Variants in ROBO2 observed in about 807,000 individuals in gnomAD.
The protein encoded by ROBO2 is roundabout homolog 2.
ROBO2 carries 53 observed loss-of-function variants against 160.8 expected under a neutral mutation model. The observed-to-expected ratio is 0.33, with a 90% CI of 0.26 to 0.41. The LOEUF is 0.41. ROBO2 is among the 10% of genes least tolerant of loss of function. The probability of loss-of-function intolerance (pLI) is 1.00; values close to 1 mark genes in which losing one functional copy is unlikely to be tolerated. For synonymous variants in ROBO2, 664 were observed against 611.7 expected (o/e 1.09, Z -1.26); for missense variants, 1,577 against 1,722.4 (o/e 0.92, Z 1.49).
intron 2 of ROBO2, among the ~76,000 whole-genome samples, chr3:75,953,494 GA>G (rs1231713791): frequency 6.6e-6 from 1 of 151,806 alleles, no homozygotes; most frequent in Non-Finnish European, 1.5e-5. Flanking sequence ...CATGTGTTTT[GA>G]AAAGATTTTC....
intron 23 of ROBO2, chr3:77,633,753 C>T (rs530913497): frequency 7.2e-5 from 11 of 152,238 alleles, no homozygotes; most frequent in Admixed American, 2.0e-4. Flanking sequence ...AGCATCCAAA[C>T]TAAAATACGT....
intron 2 of ROBO2, among the ~76,000 whole-genome samples, chr3:76,230,145 A>T (rs1357095666): frequency 6.6e-6 from 1 of 152,026 alleles, no homozygotes; most frequent in Non-Finnish European, 1.5e-5. Flanking sequence ...TGATACCCAC[A>T]CATCTATCTT....
intron 1 of ROBO2, among the ~76,000 whole-genome samples, chr3:75,918,771 C>T (rs889891620): frequency 9.2e-5 from 14 of 151,920 alleles, no homozygotes; most frequent in East Asian, 3.9e-4. Flanking sequence ...TGTATTCCTA[C>T]GTATTTTGTT....
Position 77,454,967 on chromosome 3 carries a change from A to G in ROBO2, c.389-22447A>G, listed in dbSNP as rs17015271. Among the ~76,000 whole-genome samples, 1,155 of 152,316 alleles carry G rather than the reference A, an allele frequency of 7.6e-3. 43 individuals carry two copies. The East Asian group carries it at 0.093, about 12-fold the overall frequency. ...ATTTAGTCTACCATCTCCTGGGTGT[A>G]TAAAAGTGGCTTAAACTAGGAGATG... is the stretch of plus-strand genomic sequence containing the variant. On this transcript the variant is annotated intron_variant, in intron 2 of 25. Transcript: ENST00000461745.
At chr3:76,938,261 A>G (rs1246701716) in intron 2 of ROBO2, among the ~76,000 whole-genome samples, 4 of 152,038 alleles carry the variant, frequency 2.6e-5, no homozygotes, top group Non-Finnish European at 1.5e-5. Context: ...AGGCTGAGGC[A>G]GGGGATCGCT....
chr3:76,500,046 A>G (rs1276693039), intron 2 of ROBO2, among the ~76,000 whole-genome samples: 2 of 152,188 alleles, frequency 1.3e-5, no homozygotes, highest in Non-Finnish European at 2.9e-5. Flanking sequence ...TGAGAGTCAA[A>G]CACCCAAACA....
At chr3:76,801,084 A>T (rs1177628457) in intron 2 of ROBO2, among the ~76,000 whole-genome samples, 2 of 152,200 alleles carry the variant, frequency 1.3e-5, no homozygotes, top group Non-Finnish European at 2.9e-5. Flanking sequence ...AAAGAATGAG[A>T]TCCTGTCATT....
At chr3:76,129,657 A>C (rs2071147858) in intron 2 of ROBO2, among the ~76,000 whole-genome samples, 1 of 152,106 alleles carries the variant, frequency 6.6e-6, no homozygotes, top group South Asian at 2.1e-4. Context: ...GAAAGGGTTT[A>C]TGTGCAAAAA....
chr3:76,487,668 C>A (rs762351502), intron 2 of ROBO2, among the ~76,000 whole-genome samples: 6 of 152,170 alleles, frequency 3.9e-5, no homozygotes, highest in Non-Finnish European at 8.8e-5. Flanking sequence ...TAGAAGCCTG[C>A]ACTCTAGGTG....
chr3:76,865,573 A>T (rs1283381573), intron 2 of ROBO2, among the ~76,000 whole-genome samples: 2 of 152,130 alleles, frequency 1.3e-5, no homozygotes, highest in Non-Finnish European at 2.9e-5. Context: ...CACAGTCTAG[A>T]TTAACTTAAA....
intron 2 of ROBO2, among the ~76,000 whole-genome samples, chr3:76,067,707 C>T (rs1004469088): frequency 6.6e-6 from 1 of 152,120 alleles, no homozygotes; most frequent in South Asian, 2.1e-4. Flanking sequence ...CACCAATGCT[C>T]TAGTTACCAA....
At chr3:76,831,975 T>C (rs1576915316) in intron 2 of ROBO2, among the ~76,000 whole-genome samples, 1 of 152,274 alleles carries the variant, frequency 6.6e-6, no homozygotes, top group East Asian at 1.9e-4. Flanking sequence ...GTTAAAGCAG[T>C]TTATGAAATT....
At chr3:77,026,561 T>C (rs945215361) in intron 2 of ROBO2, among the ~76,000 whole-genome samples, 1 of 152,236 alleles carries the variant, frequency 6.6e-6, no homozygotes, top group Non-Finnish European at 1.5e-5. Context: ...CATGATTCTT[T>C]ATCTTCTGCA....
At chr3:76,785,610 A>G (rs1316256038) in intron 2 of ROBO2, among the ~76,000 whole-genome samples, 1 of 151,162 alleles carries the variant, frequency 6.6e-6, no homozygotes, top group East Asian at 1.9e-4. Context: ...TCCTACTGCA[A>G]TTGTTCTAGA....
At chr3:76,153,727 AT>A (rs1489838155) in intron 2 of ROBO2, among the ~76,000 whole-genome samples, 1 of 152,108 alleles carries the variant, frequency 6.6e-6, no homozygotes, top group Non-Finnish European at 1.5e-5. Context: ...CATTATTCAA[AT>A]TCCATCTTTT....
rs528906857 is a variant in ROBO2 at position 77,166,844 on chromosome 3, C to T, written c.388+68504C>T. On this transcript the variant is annotated intron_variant, in intron 2 of 25. Coordinates refer to ENST00000461745, the Ensembl canonical transcript of ROBO2. ...AAAGTGCTGGGATTACAGGCGTGAGCCCCCGCGCCCGGCCGACACAGAGGT... is the reference window on the plus strand; with the variant it reads ...AAAGTGCTGGGATTACAGGCGTGAGTCCCCGCGCCCGGCCGACACAGAGGT... 2.0e-5 allele frequency among the ~76,000 whole-genome samples: 3 copies of T among 152,332 alleles called. No homozygotes were observed. The East Asian group carries it at 5.8e-4, about 29-fold the overall frequency.
At chr3:76,087,603 A>G (rs1330191611) in intron 2 of ROBO2, among the ~76,000 whole-genome samples, 2 of 152,070 alleles carry the variant, frequency 1.3e-5, no homozygotes, top group South Asian at 2.1e-4. Context: ...CAGAAAAGGA[A>G]TAAGTGAAGA....
At chr3:76,069,691 G>T (rs1007622103) in intron 2 of ROBO2, among the ~76,000 whole-genome samples, 1 of 151,968 alleles carries the variant, frequency 6.6e-6, no homozygotes, top group African/African-American at 2.4e-5. Flanking sequence ...TTCTTTCTGT[G>T]TGAGTTTTAA....
intron 2 of ROBO2, among the ~76,000 whole-genome samples, chr3:76,354,066 C>T (rs951978436): frequency 4.6e-5 from 7 of 151,850 alleles, no homozygotes; most frequent in Admixed American, 2.0e-4. Context: ...TCAACATAGA[C>T]GAAGCATTTT....
Sources: allele counts gnomAD v4.1 joint callset (sites outside exome capture counted in the v4.1 genomes callset), GRCh38; gene constraint gnomAD v4.1.1; transcripts MANE v1.5; gene names NCBI Gene and HGNC (gene_info 2026-07-23, HGNC 2026-07-21).